The following CTTNBP2 variants were observed in gnomAD, a reference collection of about 807,000 sequenced individuals.
CTTNBP2 encodes the protein cortactin binding protein 2.
CTTNBP2 carries 108 observed loss-of-function variants against 156.9 expected under a neutral mutation model. The ratio of observed to expected loss-of-function variants is 0.69; its 90% CI spans 0.59 to 0.81. The LOEUF is 0.81. CTTNBP2 is among the 30% of genes least tolerant of loss of function. The pLI is 0.00. For synonymous variants in CTTNBP2, 767 were observed against 751.8 expected, an observed-to-expected ratio of 1.02 and a Z score of -0.33; for missense variants, 1,924 against 2,035.4, an observed-to-expected ratio of 0.95 and a Z score of 1.05.
At chr7:117,728,301 G>A in intron 16 of CTTNBP2, 34 bp from the exon 17 acceptor site, 1 of 1,505,648 alleles carries the variant, frequency 6.6e-7, no homozygotes, top group Non-Finnish European at 9.0e-7. Context: ...CCAGGGGCTT[G>A]GTTTAGAACA....
At chr7:117,795,117 C>T (rs957834477) in intron 3 of CTTNBP2, among the ~76,000 whole-genome samples, 4 of 150,246 alleles carry the variant, frequency 2.7e-5, no homozygotes, top group Admixed American at 2.0e-4. Flanking sequence ...AGGATGGTCT[C>T]GATCTCCTGA....
intron 8 of CTTNBP2, among the ~76,000 whole-genome samples, chr7:117,771,409 G>A (rs893253819): frequency 2.6e-5 from 4 of 152,212 alleles, no homozygotes; most frequent in South Asian, 4.1e-4. Context: ...CTGGGGAGAT[G>A]GAAGCTGTTA....
intron 12 of CTTNBP2, among the ~76,000 whole-genome samples, chr7:117,751,803 T>C (rs1796632731): frequency 6.6e-6 from 1 of 152,202 alleles, no homozygotes; most frequent in Admixed American, 6.5e-5. Context: ...AACTATAAGA[T>C]GGAACTTTTA....
At chr7:117,832,701 G>A (rs989365797) in intron 2 of CTTNBP2, among the ~76,000 whole-genome samples, 1 of 144,698 alleles carries the variant, frequency 6.9e-6, no homozygotes, top group African/African-American at 2.6e-5. Flanking sequence ...GACAGCAAAT[G>A]ACTACCAATC....
intron 17 of CTTNBP2, 60 bp downstream of exon 17, chr7:117,728,029 A>G (rs1795190587): frequency 1.1e-5 from 17 of 1,484,212 alleles, no homozygotes; most frequent in Non-Finnish European, 1.5e-5. Context: ...CTCACCCTCA[A>G]ACATCTGAAT....
chr7:117,739,296 G>T (rs917896135), intron 14 of CTTNBP2, among the ~76,000 whole-genome samples: 10 of 152,146 alleles, frequency 6.6e-5, no homozygotes, highest in African/African-American at 2.4e-4. Flanking sequence ...TCTCTGATCA[G>T]GGCTTATGGA....
intron 9 of CTTNBP2, among the ~76,000 whole-genome samples, chr7:117,763,125 A>G (rs1041501794): frequency 3.9e-5 from 6 of 152,104 alleles, no homozygotes; most frequent in African/African-American, 2.4e-5. Context: ...CAAAAAATAA[A>G]TTTTTCTTAT....
chr7:117,759,485 T>A (rs1797071933), intron 10 of CTTNBP2, among the ~76,000 whole-genome samples: 1 of 152,174 alleles, frequency 6.6e-6, no homozygotes. Context: ...CTCTAAAAAC[T>A]AGTAACATGT....
chr7:117,745,791 C>G (rs1332101240), intron 14 of CTTNBP2, 40 bp downstream of exon 14: 1 of 1,314,668 alleles, frequency 7.6e-7, no homozygotes, highest in Non-Finnish European at 1.1e-6. Flanking sequence ...GAAGAGCATG[C>G]CTTTAGGTTA....
intron 14 of CTTNBP2, among the ~76,000 whole-genome samples, chr7:117,741,877 A>G (rs1246906805): frequency 6.6e-6 from 1 of 152,212 alleles, no homozygotes; most frequent in East Asian, 1.9e-4. Context: ...TGCCTATGCT[A>G]TTTCTTACAT....
At chr7:117,753,955 T>C (rs1796754765) in intron 12 of CTTNBP2, among the ~76,000 whole-genome samples, 1 of 152,234 alleles carries the variant, frequency 6.6e-6, no homozygotes, top group South Asian at 2.1e-4. Flanking sequence ...TTTGTATATC[T>C]ACTGTACAGA....
chr7:117,738,080 A>G (rs1236348930), intron 14 of CTTNBP2, among the ~76,000 whole-genome samples: 1 of 152,242 alleles, frequency 6.6e-6, no homozygotes, highest in Non-Finnish European at 1.5e-5. Flanking sequence ...CAGGGCGCCC[A>G]GCAGTCACAG....
intron 22 of CTTNBP2, among the ~76,000 whole-genome samples, chr7:117,717,045 A>G (rs1300407438): frequency 6.6e-6 from 1 of 152,266 alleles, no homozygotes; most frequent in Non-Finnish European, 1.5e-5. Context: ...AACAAACCAT[A>G]TATTACAAAG....
At chr7:117,740,281 T>TTTTTTTTTTTTTTTTTTTGAG (rs1795924919) in intron 14 of CTTNBP2, among the ~76,000 whole-genome samples, 1 of 150,978 alleles carries the variant, frequency 6.6e-6, no homozygotes, top group African/African-American at 2.5e-5. Flanking sequence ...TTTAGATTCT[T>TTTTTTTTTTTTTTTTTTTGAG]AAACCTAATT....
intron 7 of CTTNBP2, among the ~76,000 whole-genome samples, chr7:117,778,330 T>A (rs1480196852): frequency 1.3e-5 from 2 of 152,186 alleles, no homozygotes; most frequent in Admixed American, 1.3e-4. Flanking sequence ...GGGCCCCTAT[T>A]GAGTGTTTTG....
At chr7:117,789,714 T>C (rs1042369004) in intron 4 of CTTNBP2, among the ~76,000 whole-genome samples, 2 of 151,702 alleles carry the variant, frequency 1.3e-5, no homozygotes, top group Non-Finnish European at 2.9e-5. Context: ...CCTCTATTTA[T>C]TGATTACTCA....
chr7:117,812,630 G>A (rs1486732287), intron 2 of CTTNBP2, among the ~76,000 whole-genome samples: 1 of 152,146 alleles, frequency 6.6e-6, no homozygotes, highest in Non-Finnish European at 1.5e-5. Context: ...AGGTTTATGA[G>A]CTAAAAGCAC....
chr7:117,798,630 TA>T (rs1799450276), intron 3 of CTTNBP2, among the ~76,000 whole-genome samples: 2 of 152,134 alleles, frequency 1.3e-5, no homozygotes, highest in Non-Finnish European at 2.9e-5. Flanking sequence ...ATGTTTACTT[TA>T]GAAGAGCTGC....
At chr7:117,717,498 T>C (rs1402699408) in intron 22 of CTTNBP2, among the ~76,000 whole-genome samples, 1 of 152,144 alleles carries the variant, frequency 6.6e-6, no homozygotes, top group Non-Finnish European at 1.5e-5. Flanking sequence ...AAATACACAA[T>C]TCATAAATTT....
Sources: allele counts gnomAD v4.1 joint callset (sites outside exome capture counted in the v4.1 genomes callset), GRCh38; gene constraint gnomAD v4.1.1; transcripts MANE v1.5; gene names NCBI Gene and HGNC (gene_info 2026-07-23, HGNC 2026-07-21).